Variants in ANK1 observed in about 807,000 individuals in gnomAD.
ANK1 encodes ankyrin-1.
In ANK1, 51 loss-of-function variants were observed where a neutral mutation model predicts 210.4. The ratio of observed to expected loss-of-function variants is 0.24; its 90% CI spans 0.19 to 0.31. ANK1 has a LOEUF of 0.31. Among genes scored for constraint, ANK1 ranks in the 10% least tolerant of loss-of-function variants. The pLI, the probability that ANK1 is intolerant of heterozygous loss-of-function variation, is 1.00. For missense variants in ANK1, 2,051 were observed against 2,504.4 expected, an observed-to-expected ratio of 0.82 and a Z score of 3.86; for synonymous variants, 967 against 1,025.9, an observed-to-expected ratio of 0.94 and a Z score of 1.10.
At chr8:41,754,164 A>G (rs1262003683) in intron 2 of ANK1, among the ~76,000 whole-genome samples, 4 of 152,254 alleles carry the variant, frequency 2.6e-5, no homozygotes, top group Non-Finnish European at 4.4e-5. Context: ...CTTTAAAATG[A>G]AATTATTCTA....
At chr8:41,753,518 C>T (rs930782093) in intron 2 of ANK1, among the ~76,000 whole-genome samples, 1 of 152,214 alleles carries the variant, frequency 6.6e-6, no homozygotes, top group African/African-American at 2.4e-5. Context: ...GGCCCAGGGG[C>T]ACGCTGTCCC....
At chr8:41,774,462 T>G (rs1843595432) in intron 1 of ANK1, among the ~76,000 whole-genome samples, 1 of 152,208 alleles carries the variant, frequency 6.6e-6, no homozygotes. Context: ...TGGGGACCAC[T>G]GTCCTCTTCT....
chr8:41,761,861 G>A (rs1586771402), intron 1 of ANK1, among the ~76,000 whole-genome samples: 1 of 152,136 alleles, frequency 6.6e-6, no homozygotes, highest in East Asian at 1.9e-4. Context: ...CTCAGGTGCT[G>A]CCCCACACCA....
At chr8:41,696,943 A>G (rs1821204969) in intron 24 of ANK1, among the ~76,000 whole-genome samples, 170 bp from the exon 25 acceptor site, 1 of 152,162 alleles carries the variant, frequency 6.6e-6, no homozygotes, top group Non-Finnish European at 1.5e-5. Context: ...CCTGAGGTCT[A>G]AAAGGAAGCA....
At chr8:41,799,756 C>A (rs1306536734), upstream of ANK1, among the ~76,000 whole-genome samples, 1 of 152,146 alleles carries the variant, frequency 6.6e-6, no homozygotes, top group African/African-American at 2.4e-5. Context: ...CAACACAAGG[C>A]TCCTCTCCCT....
At chr8:41,714,826 C>T in intron 15 of ANK1, 150 bp downstream of exon 15, 2 of 818,214 alleles carry the variant, frequency 2.4e-6, no homozygotes, top group Non-Finnish European at 4.0e-6. Flanking sequence ...CACCACTGCA[C>T]TCCAGCCTGG....
chr8:41,894,931 G>C (rs1384322828), intron 1 of ANK1, among the ~76,000 whole-genome samples: 1 of 152,100 alleles, frequency 6.6e-6, no homozygotes, highest in Non-Finnish European at 1.5e-5. Flanking sequence ...TAAAGGGGTG[G>C]TGCCTTTGTG....
chr8:41,785,791 G>A (rs112906735), intron 1 of ANK1, among the ~76,000 whole-genome samples: 4 of 152,258 alleles, frequency 2.6e-5, no homozygotes, highest in African/African-American at 9.6e-5. Flanking sequence ...GGGTCCTCCC[G>A]CTCAGAGCCG....
chr8:41,842,485 T>C (rs1212966253), intron 1 of ANK1, among the ~76,000 whole-genome samples: 1 of 150,902 alleles, frequency 6.6e-6, no homozygotes, highest in Non-Finnish European at 1.5e-5. Context: ...AGAGCGAGAC[T>C]CTATCTCAAA....
chr8:41,759,824 G>A (rs537645000), intron 1 of ANK1, among the ~76,000 whole-genome samples: 1 of 152,240 alleles, frequency 6.6e-6, no homozygotes, highest in Admixed American at 6.5e-5. Flanking sequence ...GAGGTAAGTG[G>A]GATTGCAGAG....
chr8:41,669,453 C>T (rs115509048), intron 38 of ANK1, among the ~76,000 whole-genome samples: 5 of 152,036 alleles, frequency 3.3e-5, no homozygotes, highest in Non-Finnish European at 7.4e-5. Flanking sequence ...CACGCCACCA[C>T]GTCCAGCTAT....
At chr8:41,693,326 G>A in intron 29 of ANK1, 125 bp from the exon 30 acceptor site, 1 of 838,982 alleles carries the variant, frequency 1.2e-6, no homozygotes, top group Non-Finnish European at 2.0e-6. Flanking sequence ...TGCAGCCCTG[G>A]GCACCCTACC....
intron 15 of ANK1, 142 bp from the exon 16 acceptor site, chr8:41,714,396 T>C (rs1256530202): frequency 4.8e-6 from 3 of 626,786 alleles, no homozygotes; most frequent in African/African-American, 1.9e-5. Context: ...CTTGGAGTCA[T>C]GACAGAATGT....
chr8:41,826,686 C>T (rs1231201629), intron 1 of ANK1, among the ~76,000 whole-genome samples: 1 of 152,212 alleles, frequency 6.6e-6, no homozygotes, highest in Non-Finnish European at 1.5e-5. Flanking sequence ...ACATCCTAAA[C>T]ATGATTTACA....
intron 16 of ANK1, among the ~76,000 whole-genome samples, chr8:41,709,668 T>C (rs1825629795): frequency 6.6e-6 from 1 of 152,230 alleles, no homozygotes; most frequent in Admixed American, 6.5e-5. Context: ...GGGCACAGTG[T>C]TCATGCCTGT....
intron 1 of ANK1, among the ~76,000 whole-genome samples, chr8:41,895,966 C>A (rs1043011800): frequency 1.6e-4 from 24 of 152,130 alleles, no homozygotes; most frequent in Non-Finnish European, 1.2e-4. Flanking sequence ...TCCTGGAAAG[C>A]CAGCGGGTGC....
At position 41,694,191 on chromosome 8, in the gene ANK1, C is replaced by G; in HGVS notation, c.3328-89G>C. 2 of 1,378,368 alleles carry G rather than the reference C, an allele frequency of 1.5e-6. No homozygotes were observed. Among genetic ancestry groups the G allele is most frequent in the South Asian group, 1.3e-5 (1 of 77,912 alleles). The allele number at this position is 1,378,368 out of a possible 1,614,324, so 85.4% of individuals were successfully genotyped here. A position where few individuals can be genotyped will look rare whatever the true frequency, so the allele number is the denominator to read the frequency against. ...CAGCTCCATGCCTGGTGAGAGTGGC[C>G]GTCAGTGCACGGGGTCCCGCCCTGC... On this transcript the variant is annotated intron_variant, in intron 28 of 42. Transcript: ENST00000289734. This position sits in a 1 kb window ranked among gnomAD's most constrained non-coding sequence, Gnocchi z 5.7.
At chr8:41,734,621 G>A (rs1387049627) in intron 2 of ANK1, among the ~76,000 whole-genome samples, 1 of 151,804 alleles carries the variant, frequency 6.6e-6, no homozygotes, top group African/African-American at 2.4e-5. Context: ...GCCCAGTACA[G>A]TGGCTTACAC....
chr8:41,678,479 G>A (rs561544761), intron 37 of ANK1, among the ~76,000 whole-genome samples: 3 of 152,166 alleles, frequency 2.0e-5, no homozygotes, highest in Admixed American at 1.3e-4. Flanking sequence ...CTTCTTTTCT[G>A]TTGGGAACTG....
Sources: gnomAD v4.1 joint callset for allele counts (sites outside exome capture counted in the v4.1 genomes callset) on GRCh38, gnomAD v4.1.1 for gene constraint, Gnocchi (gnomAD v3.1) non-coding constraint, MANE v1.5 for transcripts, NCBI Gene and HGNC (gene_info 2026-07-23, HGNC 2026-07-21) for gene names.